Variants in USP31 observed in about 807,000 individuals in gnomAD.
The protein encoded by USP31 is ubiquitin specific peptidase 31, also known as ubiquitin carboxyl-terminal hydrolase 31.
In USP31, 44 loss-of-function variants were observed where a neutral mutation model predicts 119.4. That is an observed-to-expected ratio of 0.37 (90% confidence interval 0.29 to 0.47). The LOEUF is 0.47. USP31 is among the 20% of genes least tolerant of loss of function. The probability of loss-of-function intolerance (pLI) is 0.99; values close to 1 mark genes in which losing one functional copy is unlikely to be tolerated. For synonymous variants in USP31, 749 were observed against 705.6 expected (o/e 1.06, Z -0.97); for missense variants, 1,643 against 1,730.2 (o/e 0.95, Z 0.89).
rs1567221309 is a variant in USP31, at chr16:23,066,116, CT to C, written c.*1929del. ...TACTGAGCAGATGAGAGTGGTACTG[CT>C]TTGAGAACCCACCAAAATCTGAACA... On this transcript the variant is annotated 3_prime_UTR_variant, in exon 16 of 16. Coordinates refer to ENST00000219689, the MANE Select transcript of USP31 (RefSeq NM_020718.4). 1 of 152,190 alleles carries C rather than the reference CT, an allele frequency of 6.6e-6. No homozygotes were observed. Among genetic ancestry groups the C allele is most frequent in the Non-Finnish European group, 1.5e-5 (1 of 68,060 alleles). The allele number at this position is 152,190 out of a possible 1,614,324, so 9.4% of individuals were successfully genotyped here.
At chr16:23,088,755 ATTTTTCTGCC>A (rs1567231476) in intron 7 of USP31, among the ~76,000 whole-genome samples, 1 of 152,134 alleles carries the variant, frequency 6.6e-6, no homozygotes, top group Admixed American at 6.5e-5. Flanking sequence ...ATGCCTGCTT[ATTTTTCTGCC>A]TCCACCAATA....
Position 23,090,875 on chromosome 16 carries a change from T to C in USP31, c.1235-71A>G, listed in dbSNP as rs146310643. The C allele has an allele frequency of 1.1e-4, 152 of 1,350,924 alleles. No individual in the cohort carries two copies. The African/African-American group carries it at 2.0e-3, about 18-fold the overall frequency. The allele number at this position is 1,350,924 out of a possible 1,614,324, so 83.7% of individuals were successfully genotyped here. On this transcript the variant is annotated intron_variant, in intron 6 of 15. Coordinates refer to ENST00000219689, the MANE Select transcript of USP31 (RefSeq NM_020718.4). Reference sequence around the variant, plus strand: ...TTTATTCACTCGTTATGAAGAAATTTACCCAACAGAGAAAATTTTTTTTAA... The same window carrying C: ...TTTATTCACTCGTTATGAAGAAATTCACCCAACAGAGAAAATTTTTTTTAA...
chr16:23,119,287 T>C (rs1002074088), intron 1 of USP31, among the ~76,000 whole-genome samples: 1 of 151,732 alleles, frequency 6.6e-6, no homozygotes, highest in Non-Finnish European at 1.5e-5. Context: ...TTTGTAGAGA[T>C]GGGTTTCACC....
At chr16:23,142,200 A>G (rs1444379318) in intron 1 of USP31, among the ~76,000 whole-genome samples, 13 of 152,214 alleles carry the variant, frequency 8.5e-5, no homozygotes. Flanking sequence ...ATTTATTGTA[A>G]TTCTTACACT....
intron 14 of USP31, 154 bp from the exon 15 acceptor site, chr16:23,072,351 C>T (rs1419753001): frequency 2.0e-6 from 2 of 998,400 alleles, no homozygotes; most frequent in South Asian, 1.4e-5. Context: ...TGTGTCATGT[C>T]GTGCCTGTCC....
intron 15 of USP31, among the ~76,000 whole-genome samples, chr16:23,070,451 T>C (rs4967963): frequency 0.27 from 41,598 of 152,086 alleles, 6,124 homozygotes; most frequent in Admixed American, 0.35. Context: ...TGGTGGCTCA[T>C]GCCTGTAATC....
intron 1 of USP31, among the ~76,000 whole-genome samples, chr16:23,110,948 G>A (rs1291808197): frequency 6.6e-6 from 1 of 152,004 alleles, no homozygotes; most frequent in Non-Finnish European, 1.5e-5. Flanking sequence ...TTAACATGGT[G>A]AAACCCCGTC....
In USP31 at chr16:23,129,972, A is replaced by G. The variant is rs140242060; in HGVS notation, c.633+18666T>C. ...GGGACTGTGAAATAATAATGCTAACAGATTTCTCTATACCAGGCACCATAT... is the reference window on the plus strand; with the variant it reads ...GGGACTGTGAAATAATAATGCTAACGGATTTCTCTATACCAGGCACCATAT... On this transcript the variant is annotated intron_variant, in intron 1 of 15. Transcript: ENST00000219689. Among the ~76,000 whole-genome samples, 347 of 152,340 alleles carry G rather than the reference A, an allele frequency of 2.3e-3. 3 individuals are homozygous for G. The highest frequency in any genetic ancestry group is 7.7e-3 in the African/African-American group (321 of 41,576).
At chr16:23,111,893 T>G (rs1011700431) in intron 1 of USP31, among the ~76,000 whole-genome samples, 1 of 152,148 alleles carries the variant, frequency 6.6e-6, no homozygotes, top group Non-Finnish European at 1.5e-5. Flanking sequence ...TATATTCCAA[T>G]TAAGACAACG....
intron 1 of USP31, among the ~76,000 whole-genome samples, chr16:23,109,053 T>C (rs1826462800): frequency 6.6e-6 from 1 of 152,164 alleles, no homozygotes; most frequent in Admixed American, 6.5e-5. Flanking sequence ...AGAGGGAAGT[T>C]ACAGATAAGC....
rs1243178675 is a variant in USP31 at position 23,137,970 on chromosome 16, G to T, written c.633+10668C>A. On this transcript the variant is annotated intron_variant, in intron 1 of 15. Coordinates refer to ENST00000219689, the MANE Select transcript of USP31 (RefSeq NM_020718.4). ...TAAAAATCATAATCCAAAGTGGTCT[G>T]ACCAGAATAACAACCATATAAAATA... Among the ~76,000 whole-genome samples, 3 of 152,242 alleles carry T rather than the reference G, an allele frequency of 2.0e-5. No homozygotes were observed. The East Asian group carries it at 5.8e-4, about 29-fold the overall frequency.
At chr16:23,145,365 C>G (rs898747852) in intron 1 of USP31, among the ~76,000 whole-genome samples, 1 of 152,124 alleles carries the variant, frequency 6.6e-6, no homozygotes, top group African/African-American at 2.4e-5. Flanking sequence ...GCATGAGAAG[C>G]GCTGTCTCAG....
At position 23,102,331 on chromosome 16, in the gene USP31, G is replaced by T. The variant is rs1567236348; in HGVS notation, c.1222C>A (p.Leu408Ile). Residue 408 changes from leucine to isoleucine, a missense_variant, in exon 6 of 16, where the codon CTC becomes ATC. Physicochemically the swap from Leu to Ile is conservative, Grantham distance 5 (BLOSUM62 2). Coordinates refer to ENST00000219689, the MANE Select transcript of USP31 (RefSeq NM_020718.4). The part of the protein sequence containing the change: ...TPEIFRPEGI[L>I]SQRGIHLNNN... Reference sequence around the variant, plus strand: ...GGAGCTCCCTTACCTCTTTGACTGAGAATTCCTTCAGGCCTAAATATTTCG... The same window carrying T: ...GGAGCTCCCTTACCTCTTTGACTGATAATTCCTTCAGGCCTAAATATTTCG... The T allele has an allele frequency of 8.7e-6, 14 of 1,612,836 alleles. No individual in the cohort carries two copies. The highest frequency in any genetic ancestry group is 1.0e-5 in the Non-Finnish European group (12 of 1,179,648).
chr16:23,102,051 T>C (rs1022923375), intron 6 of USP31, among the ~76,000 whole-genome samples: 2 of 150,368 alleles, frequency 1.3e-5, no homozygotes, highest in Non-Finnish European at 2.9e-5. Flanking sequence ...AAAGGCTACT[T>C]AAAGAGGTCA....
rs1048454195 is a variant in USP31, at chr16:23,149,090, C to G, written c.181G>C (p.Val61Leu). 7.8e-7 allele frequency: 1 copy of G among 1,278,956 alleles called. No individual in the cohort carries two copies. Among genetic ancestry groups the G allele is most frequent in the Non-Finnish European group, 1.0e-6 (1 of 989,030 alleles). 79.2% of individuals were successfully genotyped at this position (1,278,956 alleles called of 1,614,324 possible). The change falls in exon 1 of 16, where the codon GTG (valine) becomes CTG (leucine). Residue 61 changes from valine (V) to leucine (L), a missense_variant. Around this residue, in one of 5 missense-constraint regions of USP31, gnomAD observed 302 missense variants for 262.6 expected, o/e 1.15. Transcript: ENST00000219689. ...SPSSPSSARS[V>L]GSFMSRVLKT... ...AGAACGCGGCTCATGAAGCTGCCCA[C>G]CGAGCGTGCAGAGGAGGGCGAGGAG...
chr16:23,136,638 A>G (rs1903199872), intron 1 of USP31, among the ~76,000 whole-genome samples: 1 of 151,602 alleles, frequency 6.6e-6, no homozygotes, highest in Admixed American at 6.6e-5. Flanking sequence ...TAGGCAACAA[A>G]GCAAGACTTC....
intron 5 of USP31, 61 bp from the exon 6 acceptor site, chr16:23,102,524 C>G: frequency 6.4e-7 from 1 of 1,556,156 alleles, no homozygotes; most frequent in Non-Finnish European, 8.7e-7. Context: ...ATTGATCTCC[C>G]AATTCTATGA....
rs1320315331 is a variant in USP31 at position 23,148,979 on chromosome 16, G to A, written c.292C>T (p.Pro98Ser). 2.8e-5 allele frequency: 29 copies of A among 1,026,664 alleles called. No homozygotes were observed. Among genetic ancestry groups the A allele is most frequent in the Non-Finnish European group, 3.4e-5 (29 of 851,542 alleles). 63.6% of individuals were successfully genotyped at this position (1,026,664 alleles called of 1,614,324 possible). The change falls in exon 1 of 16, where the codon CCG becomes TCG. Residue 98 changes from proline to serine, a missense_variant. Transcript: ENST00000219689. Reference protein sequence around the residue: ...GGLRSCFPPGPAAAPTPPPCP... With the variant: ...GGLRSCFPPGSAAAPTPPPCP... ...GGCGGCGGCGTGGGCGCGGCGGCCGGCCCGGGCGGGAAGCAGCTGCGGAGG... is the reference window on the plus strand; with the variant it reads ...GGCGGCGGCGTGGGCGCGGCGGCCGACCCGGGCGGGAAGCAGCTGCGGAGG...
chr16:23,133,222 A>G (rs1903082958), intron 1 of USP31, among the ~76,000 whole-genome samples: 1 of 152,184 alleles, frequency 6.6e-6, no homozygotes, highest in African/African-American at 2.4e-5. Flanking sequence ...CTTAAAGCCC[A>G]AGAGTAATCA....
Sources: allele counts gnomAD v4.1 joint callset (sites outside exome capture counted in the v4.1 genomes callset), GRCh38; gene constraint gnomAD v4.1.1; regional missense constraint gnomAD v4.1.1; transcripts MANE v1.5; gene names NCBI Gene and HGNC (gene_info 2026-07-23, HGNC 2026-07-21).